Variants in TMEM184B observed in about 807,000 individuals in gnomAD.
TMEM184B encodes the protein transmembrane protein 184B.
TMEM184B carries 17 observed loss-of-function variants against 41.8 expected under a neutral mutation model. The observed-to-expected ratio is 0.41, with a 90% confidence interval of 0.28 to 0.61. The LOEUF is 0.61. TMEM184B is among the 20% of genes least tolerant of loss of function. TMEM184B has a pLI of 0.34. For missense variants in TMEM184B, 393 were observed against 557.8 expected (o/e 0.70, Z 2.98); for synonymous variants, 240 against 229.5 (o/e 1.05, Z -0.41).
chr22:38,269,564 G>C (rs1319476753), intron 1 of TMEM184B, among the ~76,000 whole-genome samples: 1 of 152,102 alleles, frequency 6.6e-6, no homozygotes, highest in East Asian at 1.9e-4. Flanking sequence ...AGGCATGGTG[G>C]TTCACACCTA....
In TMEM184B at chr22:38,245,917, C is replaced by A; in HGVS notation, c.358+18G>T. 1 of 1,589,772 alleles carries A rather than the reference C, an allele frequency of 6.3e-7. No individual in the cohort carries two copies. Among genetic ancestry groups the A allele is most frequent in the Non-Finnish European group, 8.6e-7 (1 of 1,165,764 alleles). ...CCCAGCCCCCCGCCAGCCCTCCCCACTCCGTCCCCATCCTCACCCTCATAG... is the reference window on the plus strand; with the variant it reads ...CCCAGCCCCCCGCCAGCCCTCCCCAATCCGTCCCCATCCTCACCCTCATAG... On this transcript the variant is annotated intron_variant, in intron 3 of 8. Coordinates refer to ENST00000361906, the MANE Select transcript of TMEM184B (RefSeq NM_012264.5).
In TMEM184B at chr22:38,221,636, C is replaced by T. The variant is rs1215568269; in HGVS notation, c.1057G>A (p.Ala353Thr). 1 of 1,613,972 alleles carries T rather than the reference C, an allele frequency of 6.2e-7. No homozygotes were observed. Residue 353 changes from alanine to threonine, a missense_variant, in exon 9 of 9, where the codon GCC (alanine) becomes ACC (threonine). This residue lies in a region of TMEM184B where 271 missense variants were observed against 434.1 expected (regional missense o/e 0.62). Coordinates refer to ENST00000361906, the MANE Select transcript of TMEM184B (RefSeq NM_012264.5). ...TAGGCAGGTGAGAAGTTGTGGATGG[C>T]GTCCTGCACGATGTCGTGCGGGTTC... The part of the protein sequence containing the change: ...TMNPHDIVQD[A>T]IHNFSPAYQQ...
At chr22:38,262,421 C>G (rs1364883952) in intron 1 of TMEM184B, among the ~76,000 whole-genome samples, 1 of 152,102 alleles carries the variant, frequency 6.6e-6, no homozygotes, top group African/African-American at 2.4e-5. Flanking sequence ...GGAGACTGCT[C>G]TGGACGGAAA....
In TMEM184B at chr22:38,239,919, T is replaced by C. The variant is rs80211187; in HGVS notation, c.358+6016A>G. On this transcript the variant is annotated intron_variant, in intron 3 of 8. Coordinates refer to ENST00000361906, the MANE Select transcript of TMEM184B (RefSeq NM_012264.5). The surrounding 1 kb of genome is among the most constrained non-coding windows in gnomAD (Gnocchi z 4.6). The stretch of plus-strand genomic sequence containing the variant: ...AGCCAAGGAAACACCCCATGTTCCA[T>C]CACCCAATCAGGAGGTCCAGCAATT... 6.6e-6 allele frequency among the ~76,000 whole-genome samples: 1 copy of C among 151,800 alleles called. No homozygotes were observed. The highest frequency in any genetic ancestry group is 2.1e-4 in the South Asian group (1 of 4,818).
chr22:38,225,669 A>G lies in TMEM184B; in HGVS notation c.618-76T>C. On this transcript the variant is annotated intron_variant, in intron 6 of 8. Transcript: ENST00000361906. The surrounding 1 kb of genome is among the most constrained non-coding windows in gnomAD (Gnocchi z 4.4). The stretch of plus-strand genomic sequence containing the variant: ...GGCTCTCCTCGACTGCACCACACAC[A>G]GTCCCCATGGCTCTCAGCCCCACAC... The G allele has an allele frequency of 6.8e-7, 1 of 1,461,008 alleles. No homozygotes were observed. The highest frequency in any genetic ancestry group is 9.1e-7 in the Non-Finnish European group (1 of 1,100,916). The allele number at this position is 1,461,008 out of a possible 1,614,324, so 90.5% of individuals were successfully genotyped here.
chr22:38,244,449 A>G (rs1407581099), intron 3 of TMEM184B, among the ~76,000 whole-genome samples: 2 of 151,802 alleles, frequency 1.3e-5, no homozygotes, highest in East Asian at 3.9e-4. Context: ...CATGGGTATC[A>G]ATGTAGGGGT....
intron 1 of TMEM184B, among the ~76,000 whole-genome samples, chr22:38,263,671 T>C (rs772548457): frequency 2.0e-5 from 3 of 152,232 alleles, no homozygotes; most frequent in Non-Finnish European, 4.4e-5. Flanking sequence ...GAATAAATTC[T>C]GGGAGGCAGA....
chr22:38,226,818 A>C lies in TMEM184B; in HGVS notation c.578T>G (p.Val193Gly). 1 of 1,606,318 alleles carries C rather than the reference A, an allele frequency of 6.2e-7. No homozygotes were observed. The highest frequency in any genetic ancestry group is 8.5e-7 in the Non-Finnish European group (1 of 1,176,564). The stretch of plus-strand genomic sequence containing the variant: ...CCGGTACTTGCCGAAGGCCTGGAGG[A>C]CCACAGTGCTGACCGCCATGAGTGG... ...VKPLMAVSTVVLQAFGKYRDG... is the reference protein window; with the variant it reads ...VKPLMAVSTVGLQAFGKYRDG... Residue 193 changes from valine to glycine, a missense_variant, in exon 6 of 9, where the codon GTC becomes GGC. By Grantham distance (109) the Val-to-Gly change is moderately radical. This residue lies in a region of TMEM184B where 271 missense variants were observed against 434.1 expected (regional missense o/e 0.62). Coordinates refer to ENST00000361906, the MANE Select transcript of TMEM184B (RefSeq NM_012264.5). The surrounding 1 kb of genome is among the most constrained non-coding windows in gnomAD (Gnocchi z 4.6).
intron 1 of TMEM184B, among the ~76,000 whole-genome samples, chr22:38,252,616 C>T (rs1297092588): frequency 3.3e-5 from 5 of 152,088 alleles, no homozygotes; most frequent in Non-Finnish European, 5.9e-5. Context: ...CTACAGGAGC[C>T]TAGAGCAAGC....
chr22:38,243,631 A>G (rs959615356), intron 3 of TMEM184B, among the ~76,000 whole-genome samples: 1 of 152,114 alleles, frequency 6.6e-6, no homozygotes, highest in East Asian at 1.9e-4. Context: ...CCAGAGCCCC[A>G]GTTAAGCCCT....
chr22:38,269,091 A>G (rs2092484311), intron 1 of TMEM184B, among the ~76,000 whole-genome samples: 1 of 152,254 alleles, frequency 6.6e-6, no homozygotes, highest in Non-Finnish European at 1.5e-5. Context: ...GAACCTGGTA[A>G]GCATCTTGCC....
downstream of TMEM184B, among the ~76,000 whole-genome samples, chr22:38,217,843 A>AAAAG (rs2091168919): frequency 7.3e-6 from 1 of 136,164 alleles, no homozygotes; most frequent in Non-Finnish European, 1.5e-5. Context: ...AAAAAAAAAA[A>AAAAG]AAAAGAAAAG....
At chr22:38,245,536 CA>C (rs1331110248) in intron 3 of TMEM184B, among the ~76,000 whole-genome samples, 3 of 144,882 alleles carry the variant, frequency 2.1e-5, no homozygotes, top group African/African-American at 5.2e-5. Context: ...AAGCGAGACC[CA>C]GGGGGAGGGC....
At chr22:38,258,716 G>C (rs1293646049) in intron 1 of TMEM184B, among the ~76,000 whole-genome samples, 5 of 152,138 alleles carry the variant, frequency 3.3e-5, no homozygotes, top group Non-Finnish European at 7.3e-5. Flanking sequence ...CATACTGTTA[G>C]TCACCCTAAG....
chr22:38,264,310 G>C (rs1047521911), intron 1 of TMEM184B, among the ~76,000 whole-genome samples: 6 of 152,138 alleles, frequency 3.9e-5, no homozygotes, highest in African/African-American at 1.4e-4. Context: ...CTGATGTCCT[G>C]GTCCCAGGAA....
Position 38,225,252 on chromosome 22 carries a change from C to A in TMEM184B, c.787+172G>T, listed in dbSNP as rs1238388756. On this transcript the variant is annotated intron_variant, in intron 7 of 8. Transcript: ENST00000361906. This position sits in a 1 kb window ranked among gnomAD's most constrained non-coding sequence, Gnocchi z 4.4. ...GCGGCCCCACCAAAGCTCTCCCTAG[C>A]CCCTGGGAAAGGCCCTCGAGGGCTC... Among the ~76,000 whole-genome samples the A allele has an allele frequency of 6.6e-6, 1 of 152,188 alleles. No individual in the cohort carries two copies. Among genetic ancestry groups the A allele is most frequent in the African/African-American group, 2.4e-5 (1 of 41,456 alleles).
chr22:38,238,508 G>A (rs947996539), intron 3 of TMEM184B, among the ~76,000 whole-genome samples: 1 of 152,234 alleles, frequency 6.6e-6, no homozygotes, highest in Non-Finnish European at 1.5e-5. Context: ...ATAGGCGTGA[G>A]CCACCGCGCC....
At chr22:38,267,700 T>A (rs1357059760) in intron 1 of TMEM184B, among the ~76,000 whole-genome samples, 2 of 152,154 alleles carry the variant, frequency 1.3e-5, no homozygotes, top group Non-Finnish European at 2.9e-5. Context: ...CCCAAAGTAC[T>A]GGGATTACAG....
chr22:38,268,624 G>C (rs576781361), intron 1 of TMEM184B, among the ~76,000 whole-genome samples: 5 of 152,202 alleles, frequency 3.3e-5, no homozygotes, highest in Non-Finnish European at 7.3e-5. Flanking sequence ...ACTAAGTGCT[G>C]AGACTTAGTA....
Sources: allele counts gnomAD v4.1 joint callset (sites outside exome capture counted in the v4.1 genomes callset), GRCh38; gene constraint gnomAD v4.1.1; regional missense constraint gnomAD v4.1.1; non-coding constraint Gnocchi (gnomAD v3.1); transcripts MANE v1.5; gene names NCBI Gene and HGNC (gene_info 2026-07-23, HGNC 2026-07-21).